The following TPRG1 variants were observed in gnomAD, a reference collection of about 807,000 sequenced individuals.
TPRG1 encodes tumor protein p63-regulated gene 1 protein.
Under a neutral mutation model 29.3 loss-of-function variants are expected in TPRG1, and 29 were observed. The ratio of observed to expected loss-of-function variants is 0.99; its 90% CI spans 0.74 to 1.35. The LOEUF (loss-of-function observed/expected upper bound fraction) is 1.35. Ranked by LOEUF, TPRG1 falls within the 40% of genes most tolerant of loss-of-function variation. The pLI, the probability that TPRG1 is intolerant of heterozygous loss-of-function variation, is 0.00. For missense variants in TPRG1, 327 were observed against 335.0 expected (o/e 0.98, Z 0.19); for synonymous variants, 130 against 116.8 (o/e 1.11, Z -0.73).
chr3:189,199,974 T>C (rs1475614599), intron 1 of TPRG1, among the ~76,000 whole-genome samples: 2 of 152,108 alleles, frequency 1.3e-5, no homozygotes, highest in East Asian at 3.9e-4. Flanking sequence ...CTTTATTTTG[T>C]AGAGAGGAAC....
intron 4 of TPRG1, among the ~76,000 whole-genome samples, chr3:189,047,135 C>T (rs1359317716): frequency 1.3e-5 from 2 of 152,102 alleles, no homozygotes; most frequent in African/African-American, 4.8e-5. Context: ...AGAGATATAT[C>T]ATATATATTA....
chr3:189,069,498 G>A (rs1716679095), intron 4 of TPRG1, among the ~76,000 whole-genome samples: 1 of 152,050 alleles, frequency 6.6e-6, no homozygotes, highest in Non-Finnish European at 1.5e-5. Context: ...TACTTTTGGG[G>A]GAGACTGGAT....
intron 4 of TPRG1, among the ~76,000 whole-genome samples, chr3:189,081,864 T>C (rs554164466): frequency 5.3e-5 from 8 of 152,352 alleles, no homozygotes; most frequent in African/African-American, 1.9e-4. Flanking sequence ...GATGAAACTT[T>C]TTTTTGCAGT....
chr3:189,056,027 CCCTCCCTTCCTTCCTTCCTTCCTT>C lies in TPRG1; in HGVS notation c.-463+32085_-463+32108del, dbSNP rs1285535073. Reference sequence around the variant, plus strand: ...CTCTCTCTCCCTCCCTCCCTTCCCTCCCTCCCTTCCTTCCTTCCTTCCTTCCTTCCTTCCTTCCTTCCTTCCTTC... The same window carrying C: ...CTCTCTCTCCCTCCCTCCCTTCCCTCCCTTCCTTCCTTCCTTCCTTCCTTC... On this transcript the variant is annotated intron_variant, in intron 4 of 10. Transcript: ENST00000433971. 1.3e-3 allele frequency among the ~76,000 whole-genome samples: 139 copies of C among 106,178 alleles called. 4 individuals are homozygous for C. Among genetic ancestry groups the C allele is most frequent in the South Asian group, 0.013 (27 of 2,102 alleles). 69.7% of individuals were successfully genotyped at this position (106,178 alleles called of 152,430 possible). A position where few individuals can be genotyped will look rare whatever the true frequency, so the allele number is the denominator to read the frequency against.
intron 4 of TPRG1, among the ~76,000 whole-genome samples, chr3:189,065,379 C>G (rs1032591480): frequency 6.6e-6 from 1 of 152,006 alleles, no homozygotes; most frequent in African/African-American, 2.4e-5. Context: ...GAAAGAAAGT[C>G]ACAGACTTGT....
Position 189,310,554 on chromosome 3 carries a change from G to A in TPRG1, c.633+15G>A. 1 of 1,599,230 alleles carries A rather than the reference G, an allele frequency of 6.3e-7. No individual in the cohort carries two copies. Among genetic ancestry groups the A allele is most frequent in the Non-Finnish European group, 8.5e-7 (1 of 1,172,012 alleles). On this transcript the variant is annotated intron_variant, in intron 5 of 5. Transcript: ENST00000345063. ...AAATTTGCAAGGTAGGAGGCATCTT[G>A]GGTATTACTCTCAGATTAGCTTTGT...
At chr3:189,189,171 A>T (rs2108733794) in intron 1 of TPRG1, among the ~76,000 whole-genome samples, 1 of 152,260 alleles carries the variant, frequency 6.6e-6, no homozygotes, top group African/African-American at 2.4e-5. Context: ...CCCATTACCT[A>T]GAGAAAACTA....
chr3:189,252,139 T>C (rs1742376457), intron 4 of TPRG1, among the ~76,000 whole-genome samples: 1 of 152,158 alleles, frequency 6.6e-6, no homozygotes, highest in African/African-American at 2.4e-5. Context: ...AAAGCACATC[T>C]TGCACCGCCC....
intron 3 of TPRG1, among the ~76,000 whole-genome samples, chr3:189,223,076 C>T (rs1737180696): frequency 6.6e-6 from 1 of 152,172 alleles, no homozygotes; most frequent in Admixed American, 6.6e-5. Flanking sequence ...TGAGGCAGGG[C>T]CTGATTCTGA....
chr3:189,173,339 C>CTTTTT lies in TPRG1; in HGVS notation c.-10+1210_-10+1211insTTTTT, dbSNP rs549433698. On this transcript the variant is annotated intron_variant, in intron 1 of 5. Coordinates refer to ENST00000345063, the MANE Select transcript of TPRG1 (RefSeq NM_198485.4). ...ATATATTCTTTTTCTTTCTTTTCTTCTTCTTTTTTTTTTTTTTTGAGACAG... is the reference window on the plus strand; with the variant it reads ...ATATATTCTTTTTCTTTCTTTTCTTCTTTTTTTCTTTTTTTTTTTTTTTGAGACAG... Among the ~76,000 whole-genome samples, 9 of 130,320 alleles carry CTTTTT rather than the reference C, an allele frequency of 6.9e-5. 1 individual carries two copies. The highest frequency in any genetic ancestry group is 1.0e-4 in the African/African-American group (3 of 29,598). 85.5% of individuals were successfully genotyped at this position (130,320 alleles called of 152,430 possible).
intron 5 of TPRG1, among the ~76,000 whole-genome samples, chr3:189,317,746 C>T (rs746783437): frequency 1.3e-5 from 2 of 152,110 alleles, no homozygotes; most frequent in Non-Finnish European, 2.9e-5. Flanking sequence ...GAGATATTAT[C>T]GGTTGTCATA....
At chr3:189,283,378 G>C (rs1717483285) in intron 4 of TPRG1, among the ~76,000 whole-genome samples, 1 of 152,132 alleles carries the variant, frequency 6.6e-6, no homozygotes, top group African/African-American at 2.4e-5. Flanking sequence ...TTTTATTCCA[G>C]TGTTTCTTTC....
At chr3:189,158,165 A>G (rs1226104024) in intron 5 of TPRG1, among the ~76,000 whole-genome samples, 1 of 152,268 alleles carries the variant, frequency 6.6e-6, no homozygotes, top group Non-Finnish European at 1.5e-5. Context: ...GACAGGAAAT[A>G]GAAATCATCA....
At chr3:189,240,359 G>A (rs1740342167) in intron 4 of TPRG1, 1 of 152,132 alleles carries the variant, frequency 6.6e-6, no homozygotes, top group South Asian at 2.1e-4. Context: ...ATAGTCAACA[G>A]TTTCTTGTGT....
In TPRG1 at chr3:189,159,982, GATTA is replaced by G. The variant is rs374937487; in HGVS notation, c.-10+9113_-10+9116del. Among the ~76,000 whole-genome samples the G allele has an allele frequency of 3.9e-5, 6 of 151,928 alleles. No individual in the cohort carries two copies. The East Asian group carries it at 1.2e-3, about 29-fold the overall frequency. The stretch of plus-strand genomic sequence containing the variant: ...GCTTTCTCAGAGATTGTCACTCTAT[GATTA>G]ATCTCATAATAAATCCTAAAATTCA... On this transcript the variant is annotated intron_variant, in intron 5 of 6. Coordinates refer to the TPRG1 transcript ENST00000412373.
In TPRG1 at chr3:189,323,663, A is replaced by G. The variant is rs555901946; in HGVS notation, c.*2843A>G. ...TAAGCTCAACAGGGAGCCACAACCC[A>G]GGGGACCTATGTGTACACTTGGAGT... is the stretch of plus-strand genomic sequence containing the variant. On this transcript the variant is annotated 3_prime_UTR_variant, in exon 6 of 6. Coordinates refer to ENST00000345063, the MANE Select transcript of TPRG1 (RefSeq NM_198485.4). 2 of 152,134 alleles carry G rather than the reference A, an allele frequency of 1.3e-5. No individual in the cohort carries two copies. The highest frequency in any genetic ancestry group is 2.9e-5 in the Non-Finnish European group (2 of 68,022). 9.4% of individuals were successfully genotyped at this position (152,134 alleles called of 1,614,324 possible).
intron 1 of TPRG1, among the ~76,000 whole-genome samples, chr3:189,204,617 C>A (rs376413464): frequency 4.6e-5 from 7 of 152,154 alleles, no homozygotes; most frequent in South Asian, 2.1e-4. Context: ...CCAAGTGTTT[C>A]CAGAGAAGAC....
chr3:189,160,912 T>C (rs3846200), intron 5 of TPRG1, among the ~76,000 whole-genome samples: 83,139 of 152,152 alleles, frequency 0.55, 25,559 homozygotes, highest in African/African-American at 0.84. Context: ...CTTAGTATGC[T>C]ACTTATGGCT....
intron 5 of TPRG1, among the ~76,000 whole-genome samples, chr3:189,317,233 T>C (rs1237421151): frequency 6.6e-6 from 1 of 152,204 alleles, no homozygotes; most frequent in Non-Finnish European, 1.5e-5. Context: ...CAGACTTTGT[T>C]GCAATAGAAT....
Sources: allele counts gnomAD v4.1 joint callset (sites outside exome capture counted in the v4.1 genomes callset), GRCh38; gene constraint gnomAD v4.1.1; transcripts MANE v1.5; gene names NCBI Gene and HGNC (gene_info 2026-07-23, HGNC 2026-07-21).